The following INSL6 variants were observed in gnomAD, a reference collection of about 807,000 sequenced individuals.
The protein encoded by INSL6 is insulin-like peptide INSL6.
A neutral mutation model predicts 9.4 loss-of-function variants in INSL6; 16 were observed. The observed-to-expected ratio is 1.70, with a 90% CI of 1.15 to 2.59. INSL6 has a LOEUF of 2.59. Ranked by LOEUF, INSL6 falls within the 30% of genes most tolerant of loss-of-function variation. The probability of loss-of-function intolerance (pLI) is 0.00; values close to 1 mark genes in which losing one functional copy is unlikely to be tolerated. For synonymous variants in INSL6, 154 were observed against 96.9 expected (o/e 1.59, Z -3.46); for missense variants, 391 against 257.3 (o/e 1.52, Z -3.56).
At chr9:5,050,357 G>A in the INSL6 span, among the ~76,000 whole-genome samples, 1 of 152,264 alleles carries the variant, frequency 6.6e-6, no homozygotes, top group East Asian at 1.9e-4. Context: ...GTGCAGTGGT[G>A]TGATCATAGC....
the INSL6 span, chr9:5,078,487 T>G: frequency 1.3e-6 from 2 of 1,528,404 alleles, no homozygotes; most frequent in African/African-American, 2.8e-5. Context: ...TAAGCTTTAC[T>G]TGGGCAGTGG....
At chr9:5,127,600 A>G (rs1282770175) in intron 3 of INSL6, 1 of 231,814 alleles carries the variant, frequency 4.3e-6, no homozygotes, top group East Asian at 6.1e-5. Context: ...TAAGACTACT[A>G]TGAACAGTTT....
chr9:5,041,184 T>C, the INSL6 span: 4 of 1,359,556 alleles, frequency 2.9e-6, no homozygotes, highest in Non-Finnish European at 4.1e-6. Context: ...AAGAACCTCA[T>C]TTACCAGGAC....
intron 3 of INSL6, chr9:5,126,880 A>G (rs1392247153): frequency 8.0e-6 from 5 of 626,158 alleles, no homozygotes; most frequent in East Asian, 3.1e-5. Flanking sequence ...TACATATATC[A>G]TTATTATATA....
the INSL6 span, among the ~76,000 whole-genome samples, chr9:5,093,873 C>T: frequency 6.6e-6 from 1 of 152,082 alleles, no homozygotes; most frequent in Non-Finnish European, 1.5e-5. Flanking sequence ...TGATTTCAGA[C>T]CAGAGTAATC....
the INSL6 span, among the ~76,000 whole-genome samples, chr9:5,072,108 G>C: frequency 1.3e-5 from 2 of 152,168 alleles, no homozygotes; most frequent in Admixed American, 6.5e-5. Context: ...GTGGTAATAA[G>C]AGAAAGTCAG....
intron 1 of INSL6, among the ~76,000 whole-genome samples, chr9:5,179,473 G>A (rs947177411): frequency 1.3e-5 from 2 of 151,434 alleles, no homozygotes. Context: ...AATACCATTT[G>A]ACCCAGCAAT....
chr9:5,038,291 C>A, the INSL6 span, among the ~76,000 whole-genome samples: 1 of 152,014 alleles, frequency 6.6e-6, no homozygotes, highest in South Asian at 2.1e-4. Flanking sequence ...ATAAAGAAAT[C>A]AAATTAGCAA....
At chr9:5,065,340 T>C in the INSL6 span, among the ~76,000 whole-genome samples, 2 of 152,234 alleles carry the variant, frequency 1.3e-5, no homozygotes, top group Non-Finnish European at 2.9e-5. Flanking sequence ...TTATGTTTTA[T>C]TAATTTTAAA....
chr9:5,083,087 C>T, the INSL6 span, among the ~76,000 whole-genome samples: 1 of 152,196 alleles, frequency 6.6e-6, no homozygotes, highest in Non-Finnish European at 1.5e-5. Flanking sequence ...TTCAAATTGA[C>T]TTGACCAAGA....
At chr9:5,008,777 C>T in the INSL6 span, among the ~76,000 whole-genome samples, 1 of 152,212 alleles carries the variant, frequency 6.6e-6, no homozygotes, top group Admixed American at 6.5e-5. Flanking sequence ...GCATCTTTAA[C>T]ACCAATAAAA....
chr9:5,048,960 T>A, the INSL6 span, among the ~76,000 whole-genome samples: 71 of 152,298 alleles, frequency 4.7e-4, no homozygotes, highest in African/African-American at 1.7e-3. Context: ...ACTTCTGCTT[T>A]CTTTTTCTTT....
At chr9:5,029,186 A>G in the INSL6 span, among the ~76,000 whole-genome samples, 1 of 152,186 alleles carries the variant, frequency 6.6e-6, no homozygotes, top group Admixed American at 6.5e-5. Flanking sequence ...AGGATTATTA[A>G]TTGGCCTAAT....
chr9:5,085,109 A>G, the INSL6 span: 1 of 654,834 alleles, frequency 1.5e-6, no homozygotes. Flanking sequence ...TGGGCAAGGT[A>G]GGTTGTTTGT....
the INSL6 span, among the ~76,000 whole-genome samples, chr9:5,074,653 T>C: frequency 3.3e-5 from 5 of 152,320 alleles, no homozygotes; most frequent in East Asian, 9.6e-4. Context: ...CCCTATTCCC[T>C]GAGACAACAA....
chr9:5,137,320 CTAAGCAAA>C (rs1824404326), intron 2 of INSL6, among the ~76,000 whole-genome samples: 1 of 152,148 alleles, frequency 6.6e-6, no homozygotes, highest in Non-Finnish European at 1.5e-5. Flanking sequence ...CAAGACAATC[CTAAGCAAA>C]AAGAACAAAG....
chr9:5,047,579 C>T, the INSL6 span, among the ~76,000 whole-genome samples: 1 of 152,134 alleles, frequency 6.6e-6, no homozygotes, highest in Non-Finnish European at 1.5e-5. Flanking sequence ...TTTTATTTCC[C>T]TGGCTAATGA....
chr9:5,160,794 G>A (rs141961605), downstream of INSL6, among the ~76,000 whole-genome samples: 1 of 152,216 alleles, frequency 6.6e-6, no homozygotes, highest in African/African-American at 2.4e-5. Flanking sequence ...AGGATCATTA[G>A]AGGCTACAAT....
At chr9:5,185,259 C>T (rs1416506616) in intron 1 of INSL6, 55 bp downstream of exon 1, 1 of 1,608,504 alleles carries the variant, frequency 6.2e-7, no homozygotes, top group African/African-American at 1.3e-5. Context: ...AGAGCAAATG[C>T]AGGAATAAGA....
Sources: gnomAD v4.1 joint callset for allele counts (sites outside exome capture counted in the v4.1 genomes callset) on GRCh38, gnomAD v4.1.1 for gene constraint, MANE v1.5 for transcripts, NCBI Gene and HGNC (gene_info 2026-07-23, HGNC 2026-07-21) for gene names.